Variants in VGLL3 observed in about 807,000 individuals in gnomAD.
The protein encoded by VGLL3 is vestigial like family member 3.
A neutral mutation model predicts 29.2 loss-of-function variants in VGLL3; 18 were observed. That is an observed-to-expected ratio of 0.62 (90% CI 0.43 to 0.91). The LOEUF is 0.91. VGLL3 is among the 40% of genes least tolerant of loss of function. The probability of loss-of-function intolerance (pLI) is 0.00; values close to 1 mark genes in which losing one functional copy is unlikely to be tolerated. For synonymous variants in VGLL3, 180 were observed against 151.8 expected (o/e 1.19, Z -1.36); for missense variants, 440 against 413.2 (o/e 1.06, Z -0.56).
rs1027428525 is a variant in VGLL3, at chr3:86,959,387, C to T, written c.937+9203G>A. On this transcript the variant is annotated intron_variant, in intron 3 of 3. Coordinates refer to ENST00000398399, the MANE Select transcript of VGLL3 (RefSeq NM_016206.4). ...AAAGGCTTCAATGAATCCCTAATGCCATAGCCCTCAGAATTCAGATGGCTA... is the reference window on the plus strand; with the variant it reads ...AAAGGCTTCAATGAATCCCTAATGCTATAGCCCTCAGAATTCAGATGGCTA... Among the ~76,000 whole-genome samples the T allele has an allele frequency of 2.0e-5, 3 of 152,222 alleles. No homozygotes were observed. The South Asian group carries it at 6.2e-4, about 32-fold the overall frequency.
intron 3 of VGLL3, among the ~76,000 whole-genome samples, chr3:86,955,379 TC>T (rs1055000087): frequency 2.8e-5 from 4 of 145,266 alleles, no homozygotes; most frequent in African/African-American, 1.0e-4. Context: ...TCTCTCTCTC[TC>T]TTTTTTTTTT....
chr3:86,974,627 T>C (rs145223354), intron 2 of VGLL3, among the ~76,000 whole-genome samples: 33 of 152,334 alleles, frequency 2.2e-4, no homozygotes, highest in Middle Eastern at 3.4e-3. Context: ...TCTTTCATTA[T>C]TAGCTGACAC....
At chr3:86,990,464 C>G in intron 1 of VGLL3, 154 bp downstream of exon 1, 1 of 976,226 alleles carries the variant, frequency 1.0e-6, no homozygotes, top group African/African-American at 1.8e-5. Flanking sequence ...CCCTTCCCGG[C>G]TCTCTCGGGA....
chr3:86,986,223 T>C (rs1705438459), intron 1 of VGLL3, among the ~76,000 whole-genome samples: 1 of 152,124 alleles, frequency 6.6e-6, no homozygotes, highest in Non-Finnish European at 1.5e-5. Flanking sequence ...AAGGGCTAGA[T>C]AAGGTAGAAC....
intron 3 of VGLL3, among the ~76,000 whole-genome samples, chr3:86,953,250 T>C (rs986266233): frequency 6.6e-6 from 1 of 152,172 alleles, no homozygotes; most frequent in African/African-American, 2.4e-5. Context: ...CCAATCTACA[T>C]ATATACACAT....
intron 3 of VGLL3, chr3:86,962,912 C>A: frequency 6.2e-6 from 1 of 162,046 alleles, no homozygotes; most frequent in Non-Finnish European, 1.3e-5. Flanking sequence ...CTTCACTATT[C>A]AAAATAGTGA....
chr3:86,986,391 T>C (rs1705441740), intron 1 of VGLL3, among the ~76,000 whole-genome samples: 1 of 152,196 alleles, frequency 6.6e-6, no homozygotes, highest in Non-Finnish European at 1.5e-5. Flanking sequence ...TCTGGTTGAC[T>C]GCCAGAGATA....
intron 1 of VGLL3, among the ~76,000 whole-genome samples, chr3:86,985,358 C>T (rs1311213861): frequency 6.6e-6 from 1 of 152,194 alleles, no homozygotes; most frequent in Non-Finnish European, 1.5e-5. Flanking sequence ...TAGAGTCCCC[C>T]TACTGCATCC....
intron 3 of VGLL3, among the ~76,000 whole-genome samples, chr3:86,948,025 G>C (rs1303311817): frequency 6.6e-6 from 1 of 151,730 alleles, no homozygotes; most frequent in Non-Finnish European, 1.5e-5. Context: ...TGTATAACGA[G>C]ATACTTTGAT....
chr3:86,980,456 G>T (rs1024040267), intron 1 of VGLL3, among the ~76,000 whole-genome samples: 1 of 152,060 alleles, frequency 6.6e-6, no homozygotes, highest in African/African-American at 2.4e-5. Flanking sequence ...TTTAAAATTC[G>T]TATCAGTATG....
Position 86,990,915 on chromosome 3 carries a change from G to A in VGLL3, c.-172C>T. 10 of 1,109,262 alleles carry A rather than the reference G, an allele frequency of 9.0e-6. No individual in the cohort carries two copies. Among genetic ancestry groups the A allele is most frequent in the Non-Finnish European group, 1.1e-5 (10 of 906,082 alleles). 68.7% of individuals were successfully genotyped at this position (1,109,262 alleles called of 1,614,324 possible). ...GGCTCCGCGCGGGGCGCGGGGTCGGGAGGGACTGGCAATCAGCGGGGGCCC... is the reference window on the plus strand; with the variant it reads ...GGCTCCGCGCGGGGCGCGGGGTCGGAAGGGACTGGCAATCAGCGGGGGCCC... On this transcript the variant is annotated 5_prime_UTR_variant, in exon 1 of 4. Coordinates refer to ENST00000398399, the MANE Select transcript of VGLL3 (RefSeq NM_016206.4).
chr3:86,972,376 A>G (rs1705119772), intron 2 of VGLL3, among the ~76,000 whole-genome samples: 1 of 152,230 alleles, frequency 6.6e-6, no homozygotes, highest in Non-Finnish European at 1.5e-5. Flanking sequence ...AGATCTATGC[A>G]GCCCTTTAAA....
intron 2 of VGLL3, among the ~76,000 whole-genome samples, chr3:86,969,393 T>C (rs1341872500): frequency 2.6e-5 from 4 of 152,178 alleles, no homozygotes; most frequent in Admixed American, 2.6e-4. Flanking sequence ...GTGCTAAGGT[T>C]TGCAATTTGG....
chr3:86,968,740 G>T lies in VGLL3; in HGVS notation c.787C>A (p.Leu263Met). The T allele has an allele frequency of 6.2e-7, 1 of 1,614,166 alleles. No homozygotes were observed. The highest frequency in any genetic ancestry group is 8.5e-7 in the Non-Finnish European group (1 of 1,180,032). ...CTGGCCGCATGCACTGAAGGCATCAGCAGAGGCCCATAGGATGGATCCAGG... is the reference window on the plus strand; with the variant it reads ...CTGGCCGCATGCACTGAAGGCATCATCAGAGGCCCATAGGATGGATCCAGG... ...SALDPSYGPL[L>M]MPSVHAARIP... Residue 263 changes from leucine to methionine, a missense_variant, in exon 3 of 4, where the codon CTG (leucine) becomes ATG (methionine). Physicochemically the swap from Leu to Met is conservative, Grantham distance 15. Coordinates refer to ENST00000398399, the MANE Select transcript of VGLL3 (RefSeq NM_016206.4).
At position 86,941,664 on chromosome 3, in the gene VGLL3, T is replaced by A. The variant is rs539852885; in HGVS notation, c.*5360A>T. 6.6e-6 allele frequency: 1 copy of A among 152,132 alleles called. No homozygotes were observed. Among genetic ancestry groups the A allele is most frequent in the South Asian group, 2.1e-4 (1 of 4,826 alleles). 9.4% of individuals were successfully genotyped at this position (152,132 alleles called of 1,614,324 possible). On this transcript the variant is annotated 3_prime_UTR_variant, in exon 4 of 4. Coordinates refer to ENST00000398399, the MANE Select transcript of VGLL3 (RefSeq NM_016206.4). ...CCAATACTTTAAAACTATAAAAGTA[T>A]TTTTAAACAAAAAAGCACAATAGAC...
At chr3:86,958,305 A>G (rs1017011896) in intron 3 of VGLL3, among the ~76,000 whole-genome samples, 1 of 152,158 alleles carries the variant, frequency 6.6e-6, no homozygotes, top group African/African-American at 2.4e-5. Flanking sequence ...CTGTTACTAC[A>G]TTTTCCAGTC....
chr3:86,960,304 G>A (rs1021443284), intron 3 of VGLL3, among the ~76,000 whole-genome samples: 7 of 151,958 alleles, frequency 4.6e-5, no homozygotes, highest in African/African-American at 1.7e-4. Flanking sequence ...AAATAATTCG[G>A]AATACCACTT....
intron 1 of VGLL3, among the ~76,000 whole-genome samples, chr3:86,984,833 G>C (rs1238696645): frequency 6.6e-6 from 1 of 152,102 alleles, no homozygotes; most frequent in Non-Finnish European, 1.5e-5. Context: ...TAAATAAAGA[G>C]AGCCTCATGG....
At chr3:86,959,053 C>A (rs543483714) in intron 3 of VGLL3, among the ~76,000 whole-genome samples, 13 of 152,224 alleles carry the variant, frequency 8.5e-5, no homozygotes, top group African/African-American at 2.9e-4. Flanking sequence ...TATTCATAAA[C>A]ATTCTGCCTG....
Sources: gnomAD v4.1 joint callset for allele counts (sites outside exome capture counted in the v4.1 genomes callset) on GRCh38, gnomAD v4.1.1 for gene constraint, MANE v1.5 for transcripts, NCBI Gene and HGNC (gene_info 2026-07-23, HGNC 2026-07-21) for gene names.